RIMBP2: variants seen among roughly 807,000 people sequenced by gnomAD.
RIMBP2 encodes the protein RIMS-binding protein 2.
RIMBP2 carries 48 observed loss-of-function variants against 118.6 expected under a neutral mutation model. The ratio of observed to expected loss-of-function variants is 0.40; its 90% CI spans 0.32 to 0.51. The LOEUF (loss-of-function observed/expected upper bound fraction) is 0.51, where lower values mean the gene tolerates loss of function less well. Ranked by LOEUF, RIMBP2 falls within the 20% of genes least tolerant of loss-of-function variation. The pLI, the probability that RIMBP2 is intolerant of heterozygous loss-of-function variation, is 0.41. For synonymous variants in RIMBP2, 762 were observed against 742.9 expected (o/e 1.03, Z -0.42); for missense variants, 1,551 against 1,768.3 (o/e 0.88, Z 2.20).
chr12:130,497,078 A>C (rs1167902285), intron 4 of RIMBP2, among the ~76,000 whole-genome samples: 1 of 151,974 alleles, frequency 6.6e-6, no homozygotes, highest in Non-Finnish European at 1.5e-5. Flanking sequence ...CTCCATCCAC[A>C]CGTGGCTTCC....
intron 2 of RIMBP2, among the ~76,000 whole-genome samples, chr12:130,624,231 C>T (rs955377012): frequency 6.6e-6 from 1 of 152,144 alleles, no homozygotes; most frequent in Non-Finnish European, 1.5e-5. Flanking sequence ...AAAGCACATA[C>T]AAAATTATAG....
At position 130,625,701 on chromosome 12, in the gene RIMBP2, C is replaced by G. The variant is rs577956752; in HGVS notation, c.-217+2621G>C. Among the ~76,000 whole-genome samples the G allele has an allele frequency of 1.9e-4, 29 of 152,272 alleles. No individual in the cohort carries two copies. The South Asian group carries it at 5.0e-3, about 26-fold the overall frequency. On this transcript the variant is annotated intron_variant, in intron 2 of 22. Transcript: ENST00000690449. ...CAGCCAACAATCTATCAAAAAAAGA[C>G]CAGCTCATTCCAAATATAGGAAAGA...
intron 1 of RIMBP2, among the ~76,000 whole-genome samples, chr12:130,634,776 T>A (rs1440468285): frequency 2.0e-5 from 3 of 151,910 alleles, no homozygotes; most frequent in South Asian, 2.1e-4. Context: ...ATATATATAT[T>A]TTTGTAGAGA....
intron 2 of RIMBP2, among the ~76,000 whole-genome samples, chr12:130,624,105 G>A (rs770702865): frequency 1.3e-5 from 2 of 152,178 alleles, no homozygotes; most frequent in Non-Finnish European, 2.9e-5. Flanking sequence ...GAAACACAGC[G>A]ATTTACAAGG....
intron 2 of RIMBP2, among the ~76,000 whole-genome samples, chr12:130,568,631 C>G (rs1325871069): frequency 6.6e-6 from 1 of 152,260 alleles, no homozygotes; most frequent in African/African-American, 2.4e-5. Flanking sequence ...AGATGAACAG[C>G]CCCTTTGCCA....
intron 1 of RIMBP2, among the ~76,000 whole-genome samples, chr12:130,646,269 G>C (rs377300787): frequency 0.2 from 591 of 3,012 alleles, 120 homozygotes; most frequent in South Asian, 0.38. Flanking sequence ...CTCTCCACCT[G>C]CCTCACCACC....
intron 11 of RIMBP2, 132 bp from the exon 12 acceptor site, chr12:130,438,648 G>T: frequency 5.0e-6 from 2 of 400,488 alleles, no homozygotes; most frequent in Non-Finnish European, 8.8e-6. Flanking sequence ...AGAAGACAGT[G>T]TTGAAAGCAC....
intron 6 of RIMBP2, among the ~76,000 whole-genome samples, chr12:130,459,184 T>C (rs1007991990): frequency 2.0e-5 from 3 of 151,316 alleles, no homozygotes; most frequent in African/African-American, 7.3e-5. Context: ...GACGGTGCCA[T>C]GAGGGAGTTT....
chr12:130,479,048 G>C, intron 4 of RIMBP2, 32 bp from the exon 5 acceptor site: 1 of 1,580,808 alleles, frequency 6.3e-7, no homozygotes, highest in Non-Finnish European at 8.7e-7. Context: ...TGGCTGAGCA[G>C]GGCAGCCTGT....
At chr12:130,694,462 G>C (rs956617790) in intron 1 of RIMBP2, among the ~76,000 whole-genome samples, 2 of 152,166 alleles carry the variant, frequency 1.3e-5, no homozygotes, top group African/African-American at 4.8e-5. Context: ...AGTCCTCACT[G>C]CTGCTCGTGA....
At chr12:130,633,100 C>G (rs964914332) in intron 1 of RIMBP2, among the ~76,000 whole-genome samples, 2 of 152,300 alleles carry the variant, frequency 1.3e-5, no homozygotes, top group African/African-American at 4.8e-5. Flanking sequence ...AAAAGAACCC[C>G]CCAGGTCTTA....
intron 11 of RIMBP2, among the ~76,000 whole-genome samples, chr12:130,439,189 A>AAT (rs1305591920): frequency 7.3e-6 from 1 of 137,700 alleles, no homozygotes; most frequent in African/African-American, 2.5e-5. Flanking sequence ...GTATGTGTGT[A>AAT]ATGTGTGCAT....
intron 2 of RIMBP2, among the ~76,000 whole-genome samples, chr12:130,587,471 C>T (rs1260627976): frequency 3.6e-5 from 3 of 84,156 alleles, no homozygotes; most frequent in East Asian, 7.0e-4. Flanking sequence ...AAATGTGGCA[C>T]ATATACACCA....
At chr12:130,671,509 C>G (rs368999041) in intron 1 of RIMBP2, among the ~76,000 whole-genome samples, 55 of 152,346 alleles carry the variant, frequency 3.6e-4, no homozygotes, top group African/African-American at 1.3e-3. Flanking sequence ...CTCCTAGTCA[C>G]CAGCCTATCC....
chr12:130,690,779 C>T (rs945347902), intron 1 of RIMBP2, among the ~76,000 whole-genome samples: 1 of 152,120 alleles, frequency 6.6e-6, no homozygotes, highest in Non-Finnish European at 1.5e-5. Flanking sequence ...TATGATTTCA[C>T]ACATCAGGAG....
Position 130,450,428 on chromosome 12 carries a change from A to T in RIMBP2, c.505-152T>A. On this transcript the variant is annotated intron_variant, in intron 8 of 22. Transcript: ENST00000690449. This position sits in a 1 kb window ranked among gnomAD's most constrained non-coding sequence, Gnocchi z 4.8. ...TCCCAGGAGGCACTGCCACCCGCACACCCACATGCGAGCTTGGAAAGGAGG... is the reference window on the plus strand; with the variant it reads ...TCCCAGGAGGCACTGCCACCCGCACTCCCACATGCGAGCTTGGAAAGGAGG... 3.1e-6 allele frequency: 2 copies of T among 642,094 alleles called. No individual in the cohort carries two copies. The highest frequency in any genetic ancestry group is 2.9e-5 in the East Asian group (1 of 34,694). The allele number at this position is 642,094 out of a possible 1,614,324, so 39.8% of individuals were successfully genotyped here.
In RIMBP2 at chr12:130,397,482, G is replaced by A. The variant is rs1405436087; in HGVS notation, c.3968C>T (p.Ser1323Leu). The change falls in exon 23 of 23, where the codon TCA becomes TTA. Residue 1323 changes from serine (S) to leucine (L), a missense_variant. Ser to Leu is a moderately radical substitution (Grantham distance 145). Transcript: ENST00000690449. ...ACCAGAACCCATAGATGACGTAGGT[G>A]ACCCCGAATGGAGATGGACTGTGGG... ...PSPTVHLHSG[S>L]PTSSMGSGSP... 5.8e-5 allele frequency: 23 copies of A among 398,884 alleles called. No homozygotes were observed. The highest frequency in any genetic ancestry group is 9.3e-5 in the Non-Finnish European group (21 of 226,088). The allele number at this position is 398,884 out of a possible 1,614,324, so 24.7% of individuals were successfully genotyped here. A position where few individuals can be genotyped will look rare whatever the true frequency, so the allele number is the denominator to read the frequency against.
intron 14 of RIMBP2, among the ~76,000 whole-genome samples, chr12:130,432,881 C>T (rs559361745): frequency 3.2e-4 from 48 of 152,290 alleles, no homozygotes; most frequent in African/African-American, 1.1e-3. Context: ...ACCCAGGGCC[C>T]AGCACCAAGA....
intron 2 of RIMBP2, among the ~76,000 whole-genome samples, chr12:130,531,117 T>A (rs1315567433): frequency 1.3e-5 from 2 of 152,250 alleles, no homozygotes; most frequent in Admixed American, 6.5e-5. Context: ...TCAAGTGATA[T>A]ATCTATGGCC....
Sources: gnomAD v4.1 joint callset for allele counts (sites outside exome capture counted in the v4.1 genomes callset) on GRCh38, gnomAD v4.1.1 for gene constraint, Gnocchi (gnomAD v3.1) non-coding constraint, MANE v1.5 for transcripts, NCBI Gene and HGNC (gene_info 2026-07-23, HGNC 2026-07-21) for gene names.